CHST13: variants seen among roughly 807,000 people sequenced by gnomAD.
The protein encoded by CHST13 is carbohydrate sulfotransferase 13.
A neutral mutation model predicts 7.0 loss-of-function variants in CHST13; 1 was observed. The observed-to-expected ratio is 0.14, with a 90% CI of 0.05 to 0.68. The LOEUF (loss-of-function observed/expected upper bound fraction) is 0.68, where lower values mean the gene tolerates loss of function less well. Among genes scored for constraint, CHST13 ranks in the 30% least tolerant of loss-of-function variants. CHST13 has a pLI of 0.82. For synonymous variants in CHST13, 257 were observed against 240.9 expected, an observed-to-expected ratio of 1.07 and a Z score of -0.62; for missense variants, 572 against 507.9, an observed-to-expected ratio of 1.13 and a Z score of -1.21.
Position 126,524,364 on chromosome 3 carries a change from T to C in CHST13, c.32T>C (p.Leu11Pro). The C allele has an allele frequency of 1.6e-6, 2 of 1,236,388 alleles. No individual in the cohort carries two copies. The highest frequency in any genetic ancestry group is 2.0e-6 in the Non-Finnish European group (2 of 990,218). 76.6% of individuals were successfully genotyped at this position (1,236,388 alleles called of 1,614,324 possible). ...AGGCGCTGCTGCCGGCGGCGCGTGC[T>C]GGCGGCCGCCTGTCTGGGCGCCGCG... is the stretch of plus-strand genomic sequence containing the variant. MGRRCCRRRVLAAACLGAALL... is the reference protein window; with the variant it reads MGRRCCRRRVPAAACLGAALL... Residue 11 changes from leucine (L) to proline (P), a missense_variant, in exon 1 of 3, where the codon CTG (leucine) becomes CCG (proline). Leu to Pro is a moderately conservative substitution (Grantham distance 98). Transcript: ENST00000319340.
At position 126,541,897 on chromosome 3, in the gene CHST13, G is replaced by A; in HGVS notation, c.345G>A (p.Val115=). Residue 115 remains valine (V), a synonymous_variant, in exon 3 of 3, where the codon GTG becomes GTA. Transcript: ENST00000319340. Reference sequence around the variant, plus strand: ...TGCTCTACTGCTACGTGCCCAAGGTGGCCTGCACCAACTGGAAGCGCGTGC... The same window carrying A: ...TGCTCTACTGCTACGTGCCCAAGGTAGCCTGCACCAACTGGAAGCGCGTGC... ...HGLLYCYVPK[V]ACTNWKRVLL... is the part of the protein sequence containing the mutation. 2 of 1,600,542 alleles carry A rather than the reference G, an allele frequency of 1.2e-6. No individual in the cohort carries two copies. The highest frequency in any genetic ancestry group is 1.7e-6 in the Non-Finnish European group (2 of 1,174,184).
At chr3:126,529,213 GT>G in intron 1 of CHST13, 1 of 848,964 alleles carries the variant, frequency 1.2e-6, no homozygotes, top group South Asian at 1.4e-5. Context: ...GGTTTCTAGT[GT>G]GGTGTTTCAC....
chr3:126,542,317 C>G lies in CHST13; in HGVS notation c.765C>G (p.His255Gln). Reference protein sequence around the residue: ...EHWERAHALCHPCRLRYDVVG... With the variant: ...EHWERAHALCQPCRLRYDVVG... ...GGGAGCGCGCGCACGCGCTCTGCCA[C>G]CCGTGTCGCCTCCGCTACGACGTCG... Residue 255 changes from histidine (H) to glutamine (Q), a missense_variant, in exon 3 of 3, where the codon CAC becomes CAG. Coordinates refer to ENST00000319340, the MANE Select transcript of CHST13 (RefSeq NM_152889.3). 6.4e-7 allele frequency: 1 copy of G among 1,568,792 alleles called. No individual in the cohort carries two copies. Among genetic ancestry groups the G allele is most frequent in the African/African-American group, 1.4e-5 (1 of 71,944 alleles).
chr3:126,529,042 T>C, intron 1 of CHST13: 2 of 353,552 alleles, frequency 5.7e-6, no homozygotes, highest in South Asian at 4.1e-5. Flanking sequence ...TGCTGGAACT[T>C]ATTAACCAGA....
In CHST13 at chr3:126,524,391, T is replaced by C. The variant is rs1936494656; in HGVS notation, c.59T>C (p.Leu20Pro). The change falls in exon 1 of 3, where the codon CTC becomes CCC. Residue 20 changes from leucine (L) to proline (P), a missense_variant. Coordinates refer to ENST00000319340, the MANE Select transcript of CHST13 (RefSeq NM_152889.3). ...VLAAACLGAA[L>P]LLLCAAPRSL... is the part of the protein sequence containing the mutation. ...GCGGCCGCCTGTCTGGGCGCCGCGC[T>C]CCTGCTCCTATGCGCCGCGCCCCGC... is the stretch of plus-strand genomic sequence containing the variant. 1 of 1,225,744 alleles carries C rather than the reference T, an allele frequency of 8.2e-7. No individual in the cohort carries two copies. The highest frequency in any genetic ancestry group is 1.0e-6 in the Non-Finnish European group (1 of 980,988). 75.9% of individuals were successfully genotyped at this position (1,225,744 alleles called of 1,614,324 possible). A position where few individuals can be genotyped will look rare whatever the true frequency, so the allele number is the denominator to read the frequency against.
chr3:126,538,703 A>G (rs1212555390), intron 2 of CHST13, among the ~76,000 whole-genome samples: 2 of 152,140 alleles, frequency 1.3e-5, no homozygotes, highest in Non-Finnish European at 2.9e-5. Context: ...ATGTGGAGCT[A>G]GGCTTCTAAG....
Position 126,541,858 on chromosome 3 carries a change from C to T in CHST13, c.306C>T (p.Asp102=). 6.3e-7 allele frequency: 1 copy of T among 1,588,794 alleles called. No homozygotes were observed. The highest frequency in any genetic ancestry group is 1.7e-5 in the Admixed American group (1 of 57,350). ...QPEDLRHVLV[D]DAHGLLYCYV... ...AGGACCTGCGGCACGTGCTGGTGGA[C>T]GACGCGCATGGCCTGCTCTACTGCT... The change falls in exon 3 of 3, where the codon GAC becomes GAT. Residue 102 remains aspartate, a synonymous_variant. Coordinates refer to ENST00000319340, the MANE Select transcript of CHST13 (RefSeq NM_152889.3).
At chr3:126,530,657 G>A (rs1002921712) in intron 1 of CHST13, among the ~76,000 whole-genome samples, 6 of 152,248 alleles carry the variant, frequency 3.9e-5, no homozygotes, top group Non-Finnish European at 8.8e-5. Flanking sequence ...CTAGACTCAG[G>A]CCACACCCAG....
chr3:126,539,001 G>C (rs1020330687), intron 2 of CHST13, among the ~76,000 whole-genome samples: 2 of 152,178 alleles, frequency 1.3e-5, no homozygotes, highest in African/African-American at 4.8e-5. Flanking sequence ...TTCCAGACAT[G>C]CTCTAGGCGT....
intron 2 of CHST13, 71 bp from the exon 3 acceptor site, chr3:126,541,662 G>C: frequency 7.5e-7 from 1 of 1,335,752 alleles, no homozygotes; most frequent in African/African-American, 1.6e-5. Flanking sequence ...CATCCCGCCG[G>C]GGCAGCGCCA....
intron 1 of CHST13, among the ~76,000 whole-genome samples, chr3:126,529,842 G>A (rs943153675): frequency 6.6e-4 from 100 of 152,258 alleles, no homozygotes; most frequent in East Asian, 1.2e-3. Flanking sequence ...CAGTCACCGC[G>A]TGGCTTTCCC....
chr3:126,541,920 T>C lies in CHST13; in HGVS notation c.368T>C (p.Val123Ala). The C allele has an allele frequency of 1.3e-6, 2 of 1,598,466 alleles. No homozygotes were observed. The highest frequency in any genetic ancestry group is 2.3e-5 in the East Asian group (1 of 43,966). Reference sequence around the variant, plus strand: ...GTGGCCTGCACCAACTGGAAGCGCGTGCTGCTGGCGCTGAGCGGCCAAGCC... The same window carrying C: ...GTGGCCTGCACCAACTGGAAGCGCGCGCTGCTGGCGCTGAGCGGCCAAGCC... ...PKVACTNWKR[V>A]LLALSGQARG... Residue 123 changes from valine to alanine, a missense_variant, in exon 3 of 3, where the codon GTG (valine) becomes GCG (alanine). By Grantham distance (64) the Val-to-Ala change is moderately conservative (BLOSUM62 0). Transcript: ENST00000319340.
chr3:126,526,335 G>C (rs527308573), intron 1 of CHST13, among the ~76,000 whole-genome samples: 1 of 152,238 alleles, frequency 6.6e-6, no homozygotes, highest in Non-Finnish European at 1.5e-5. Flanking sequence ...CTTGGCCTCT[G>C]GAAATGGCCT....
At position 126,541,864 on chromosome 3, in the gene CHST13, G is replaced by T. The variant is rs751471294; in HGVS notation, c.312G>T (p.Ala104=). 5.6e-6 allele frequency: 9 copies of T among 1,593,064 alleles called. No individual in the cohort carries two copies. Among genetic ancestry groups the T allele is most frequent in the Non-Finnish European group, 7.7e-6 (9 of 1,170,508 alleles). The change falls in exon 3 of 3, where the codon GCG becomes GCT. Residue 104 remains alanine (A), a synonymous_variant. Transcript: ENST00000319340. ...TGCGGCACGTGCTGGTGGACGACGC[G>T]CATGGCCTGCTCTACTGCTACGTGC... ...EDLRHVLVDD[A]HGLLYCYVPK... is the part of the protein sequence containing the mutation.
At chr3:126,529,745 C>T (rs753715371) in intron 1 of CHST13, among the ~76,000 whole-genome samples, 4 of 152,170 alleles carry the variant, frequency 2.6e-5, no homozygotes, top group Non-Finnish European at 4.4e-5. Flanking sequence ...TGGCACTCCT[C>T]CCATCCCTCC....
At chr3:126,533,038 A>T (rs1490750) in intron 1 of CHST13, among the ~76,000 whole-genome samples, 98,251 of 152,030 alleles carry the variant, frequency 0.65, 32,469 homozygotes, top group South Asian at 0.78. Context: ...TTGATTATTC[A>T]TTGCTAGTAT....
chr3:126,534,012 T>A (rs1318561781), intron 1 of CHST13, among the ~76,000 whole-genome samples: 1 of 152,230 alleles, frequency 6.6e-6, no homozygotes, highest in Non-Finnish European at 1.5e-5. Flanking sequence ...GGGCTACAAT[T>A]GTTCAGAGTT....
chr3:126,529,840 G>T lies in CHST13; in HGVS notation c.97+5411G>T, dbSNP rs558730942. Among the ~76,000 whole-genome samples the T allele has an allele frequency of 3.3e-4, 50 of 152,246 alleles. No individual in the cohort carries two copies. In the South Asian group the frequency reaches 8.9e-3, roughly 27 times the overall value. On this transcript the variant is annotated intron_variant, in intron 1 of 2. Transcript: ENST00000319340. The stretch of plus-strand genomic sequence containing the variant: ...TGTTTCCTTTTTCTAAGCAGTCACC[G>T]CGTGGCTTTCCCTGTGCTGCTCTGG...
At chr3:126,526,364 C>G (rs1231446884) in intron 1 of CHST13, among the ~76,000 whole-genome samples, 1 of 152,230 alleles carries the variant, frequency 6.6e-6, no homozygotes, top group Non-Finnish European at 1.5e-5. Flanking sequence ...CCTGCAGTGT[C>G]TCTGCAGCCA....
Sources: allele counts gnomAD v4.1 joint callset (sites outside exome capture counted in the v4.1 genomes callset), GRCh38; gene constraint gnomAD v4.1.1; transcripts MANE v1.5; gene names NCBI Gene and HGNC (gene_info 2026-07-23, HGNC 2026-07-21).